The following FASTKD2 variants were observed in gnomAD, a reference collection of about 807,000 sequenced individuals.
FASTKD2 encodes FAST kinase domain-containing protein 2, mitochondrial.
Under a neutral mutation model 63.6 loss-of-function variants are expected in FASTKD2, and 51 were observed. That is an observed-to-expected ratio of 0.80 (90% confidence interval 0.64 to 1.01). The LOEUF (loss-of-function observed/expected upper bound fraction) is 1.01, where lower values mean the gene tolerates loss of function less well. Among genes scored for constraint, FASTKD2 ranks in the 50% least tolerant of loss-of-function variants. FASTKD2 has a pLI of 0.00. For synonymous variants in FASTKD2, 284 were observed against 293.4 expected (o/e 0.97, Z 0.33); for missense variants, 786 against 831.1 (o/e 0.95, Z 0.67).
chr2:206,767,021 A>G lies in FASTKD2; in HGVS notation c.328A>G (p.Lys110Glu), dbSNP rs758479510. Residue 110 changes from lysine (K) to glutamate (E), a missense_variant, in exon 2 of 12, where the codon AAA becomes GAA. By Grantham distance (56) the Lys-to-Glu change is moderately conservative. Transcript: ENST00000402774. Reference sequence around the variant, plus strand: ...TAGAATTGAAAGACTACTTTATGCTAAAAGACTGTTTTTTGACTCAAAGCA... The same window carrying G: ...TAGAATTGAAAGACTACTTTATGCTGAAAGACTGTTTTTTGACTCAAAGCA... ...ALRIERLLYA[K>E]RLFFDSKQSL... is the part of the protein sequence containing the mutation. The G allele has an allele frequency of 1.2e-6, 2 of 1,613,892 alleles. No individual in the cohort carries two copies. The highest frequency in any genetic ancestry group is 1.1e-5 in the South Asian group (1 of 91,064).
Position 206,795,532 on chromosome 2 carries a change from C to T in FASTKD2, c.*3730C>T, listed in dbSNP as rs529411873. ...ATAGGCGTGAGCCACCACCCCCGGT[C>T]CAAGATGGCTATCTCTTAACACACT... On this transcript the variant is annotated 3_prime_UTR_variant, in exon 12 of 12. Transcript: ENST00000402774. Among the ~76,000 whole-genome samples the T allele has an allele frequency of 7.2e-4, 110 of 152,334 alleles. No homozygotes were observed. Among genetic ancestry groups the T allele is most frequent in the Non-Finnish European group, 7.8e-4 (53 of 68,040 alleles).
At chr2:206,777,514 G>T (rs1302161590) in intron 7 of FASTKD2, among the ~76,000 whole-genome samples, 4 of 152,054 alleles carry the variant, frequency 2.6e-5, no homozygotes, top group African/African-American at 9.7e-5. Flanking sequence ...GCATCCCAGG[G>T]ATAAACCCCT....
intron 11 of FASTKD2, 50 bp from the exon 12 acceptor site, chr2:206,791,633 T>A (rs376567740): frequency 4.3e-4 from 679 of 1,587,642 alleles, no homozygotes; most frequent in Non-Finnish European, 5.5e-4. Flanking sequence ...AACTAGCTCT[T>A]TTGTTAGTAT....
Position 206,795,453 on chromosome 2 carries a change from C to T in FASTKD2, c.*3651C>T, listed in dbSNP as rs569623134. Among the ~76,000 whole-genome samples, 23 of 152,180 alleles carry T rather than the reference C, an allele frequency of 1.5e-4. No homozygotes were observed. Among genetic ancestry groups the T allele is most frequent in the African/African-American group, 4.1e-4 (17 of 41,442 alleles). On this transcript the variant is annotated 3_prime_UTR_variant, in exon 12 of 12. Coordinates refer to ENST00000402774, the MANE Select transcript of FASTKD2 (RefSeq NM_001136193.2). ...TTCACCATGTTAGCCAGGATGGTCT[C>T]GATCTCCTGACCTTGCGATCTGCCC...
chr2:206,771,004 C>T (rs1354262577), intron 3 of FASTKD2, among the ~76,000 whole-genome samples, 178 bp from the exon 4 acceptor site: 1 of 152,084 alleles, frequency 6.6e-6, no homozygotes, highest in African/African-American at 2.4e-5. Flanking sequence ...GAGAAAATAG[C>T]ACTATTAATA....
rs184271919 is a variant in FASTKD2, at chr2:206,785,815, C to T, written c.1428-918C>T. 1.0e-3 allele frequency among the ~76,000 whole-genome samples: 159 copies of T among 152,268 alleles called. 1 individual carries two copies. Among genetic ancestry groups the T allele is most frequent in the African/African-American group, 3.2e-3 (131 of 41,542 alleles). On this transcript the variant is annotated intron_variant, in intron 7 of 11. Coordinates refer to ENST00000402774, the MANE Select transcript of FASTKD2 (RefSeq NM_001136193.2). ...AACACTTCTTCCCCTACCCATGGAC[C>T]TCTCAGTTGATTTCAGTCTCATTGT...
rs932435785 is a variant in FASTKD2, at chr2:206,771,072, G to A, written c.882-110G>A. The stretch of plus-strand genomic sequence containing the variant: ...TCTCAAGCAGGTAGATCATTTCTCT[G>A]GGCTTCATAATCCTTGCCTGTAAGA... On this transcript the variant is annotated intron_variant, in intron 3 of 11. Transcript: ENST00000402774. The A allele has an allele frequency of 1.6e-5, 11 of 695,056 alleles. No homozygotes were observed. In the African/African-American group the frequency reaches 1.8e-4, roughly 11 times the overall value. 43.1% of individuals were successfully genotyped at this position (695,056 alleles called of 1,614,324 possible).
chr2:206,781,304 A>ATTTTTTTTTTTTTTTTTTT (rs71034473), intron 7 of FASTKD2, among the ~76,000 whole-genome samples: 1 of 75,938 alleles, frequency 1.3e-5, no homozygotes, highest in Non-Finnish European at 2.6e-5. Context: ...TTTTTCTATG[A>ATTTTTTTTTTTTTTTTTTT]TTTTTTTTTT....
chr2:206,787,944 G>A lies in FASTKD2; in HGVS notation c.1602G>A (p.Met534Ile). 6.3e-7 allele frequency: 1 copy of A among 1,593,510 alleles called. No individual in the cohort carries two copies. The highest frequency in any genetic ancestry group is 8.6e-7 in the Non-Finnish European group (1 of 1,161,872). The change falls in exon 9 of 12, where the codon ATG (methionine) becomes ATA (isoleucine). Residue 534 changes from methionine to isoleucine, a missense_variant. Physicochemically the swap from Met to Ile is conservative, Grantham distance 10. Coordinates refer to ENST00000402774, the MANE Select transcript of FASTKD2 (RefSeq NM_001136193.2). Reference protein sequence around the residue: ...IISELLTSDDMKNAYKLHTLD... With the variant: ...IISELLTSDDIKNAYKLHTLD... The stretch of plus-strand genomic sequence containing the variant: ...CTCTTTTTCATCTTTTAGATGACAT[G>A]AAGAATGCTTACAAGCTGCATACTT...
intron 7 of FASTKD2, among the ~76,000 whole-genome samples, chr2:206,781,847 C>CATAGTT: frequency 6.6e-6 from 1 of 151,908 alleles, no homozygotes. Flanking sequence ...TACTTAACTG[C>CATAGTT]TCCTGAGCAT....
At chr2:206,781,462 C>T (rs1213985933) in intron 7 of FASTKD2, among the ~76,000 whole-genome samples, 1 of 151,536 alleles carries the variant, frequency 6.6e-6, no homozygotes, top group Non-Finnish European at 1.5e-5. Flanking sequence ...ATTACAGGCA[C>T]CTGCCACCAC....
chr2:206,788,381 A>G (rs1301990923), intron 9 of FASTKD2, among the ~76,000 whole-genome samples: 2 of 152,102 alleles, frequency 1.3e-5, no homozygotes, highest in African/African-American at 4.8e-5. Context: ...TTAGCTCTCA[A>G]TATATTTTAG....
At chr2:206,769,712 C>T (rs778236714) in intron 2 of FASTKD2, among the ~76,000 whole-genome samples, 32 of 152,194 alleles carry the variant, frequency 2.1e-4, no homozygotes, top group Non-Finnish European at 4.0e-4. Flanking sequence ...TTCTGTACTT[C>T]AGTAGTTCTT....
At chr2:206,778,653 A>C (rs1337977513) in intron 7 of FASTKD2, among the ~76,000 whole-genome samples, 1 of 151,834 alleles carries the variant, frequency 6.6e-6, no homozygotes, top group Non-Finnish European at 1.5e-5. Flanking sequence ...TGTGTCTGTT[A>C]TATCCATTTC....
intron 7 of FASTKD2, among the ~76,000 whole-genome samples, chr2:206,778,495 G>C (rs1194738034): frequency 6.6e-6 from 1 of 151,922 alleles, no homozygotes; most frequent in African/African-American, 2.4e-5. Context: ...ATTTCTTTGT[G>C]ATCCGAAAGG....
chr2:206,786,780 C>G lies in FASTKD2; in HGVS notation c.1475C>G (p.Thr492Ser), dbSNP rs1159739010. The G allele has an allele frequency of 6.2e-7, 1 of 1,613,712 alleles. No homozygotes were observed. Among genetic ancestry groups the G allele is most frequent in the East Asian group, 2.2e-5 (1 of 44,870 alleles). ...AGTGCTCTGACTGGTTATCTTCACA[C>G]TATTTCTTCTGAAAACTTATTGGAT... ...MASALTGYLH[T>S]ISSENLLDAV... Residue 492 changes from threonine (T) to serine (S), a missense_variant, in exon 8 of 12, where the codon ACT (threonine) becomes AGT (serine). By Grantham distance (58) the Thr-to-Ser change is moderately conservative. Transcript: ENST00000402774.
chr2:206,782,997 T>G (rs1345027542), intron 7 of FASTKD2, among the ~76,000 whole-genome samples: 1 of 152,148 alleles, frequency 6.6e-6, no homozygotes, highest in Non-Finnish European at 1.5e-5. Context: ...ATCAAATGAC[T>G]TGACTCCAGC....
At position 206,793,248 on chromosome 2, in the gene FASTKD2, A is replaced by AAAAAAAAAAAAAAAAAAC. The variant is rs1259024642; in HGVS notation, c.*1449_*1450insAAAAAAAAAAAAAACAAA. Among the ~76,000 whole-genome samples, 3 of 126,558 alleles carry AAAAAAAAAAAAAAAAAAC rather than the reference A, an allele frequency of 2.4e-5. No homozygotes were observed. The highest frequency in any genetic ancestry group is 8.0e-5 in the Admixed American group (1 of 12,454). The allele number at this position is 126,558 out of a possible 152,430, so 83.0% of individuals were successfully genotyped here. ...AAAAAAAAAAAAAAAAAAAAAAAAA[A>AAAAAAAAAAAAAAAAAAC]AAATACAAAAACTATAGCAATATGA... On this transcript the variant is annotated 3_prime_UTR_variant, in exon 12 of 12. Transcript: ENST00000402774.
rs761419932 is a variant in FASTKD2 at position 206,774,582 on chromosome 2, C to A, written c.1427+185C>A. ...CAAAATTTTGTTTTATATTTGCTGC[C>A]CTTTGTCTTGTTTGTTTCTTTGTTC... On this transcript the variant is annotated intron_variant, in intron 7 of 11. Transcript: ENST00000402774. Among the ~76,000 whole-genome samples the A allele has an allele frequency of 2.6e-5, 4 of 151,606 alleles. No homozygotes were observed. The East Asian group carries it at 7.7e-4, about 29-fold the overall frequency.
Sources: allele counts gnomAD v4.1 joint callset (sites outside exome capture counted in the v4.1 genomes callset), GRCh38; gene constraint gnomAD v4.1.1; transcripts MANE v1.5; gene names NCBI Gene and HGNC (gene_info 2026-07-23, HGNC 2026-07-21).